The following MARCHF10 variants were observed in gnomAD, a reference collection of about 807,000 sequenced individuals.
The protein encoded by MARCHF10 is probable E3 ubiquitin-protein ligase MARCHF10.
In MARCHF10, 64 loss-of-function variants were observed where a neutral mutation model predicts 76.2. That is an observed-to-expected ratio of 0.84 (90% CI 0.69 to 1.03). MARCHF10 has a LOEUF of 1.03. Ranked by LOEUF, MARCHF10 falls within the 50% of genes least tolerant of loss-of-function variation. The pLI is 0.00. For synonymous variants in MARCHF10, 340 were observed against 357.5 expected (o/e 0.95, Z 0.55); for missense variants, 875 against 958.0 (o/e 0.91, Z 1.14).
chr17:62,783,588 C>T (rs2092699286), intron 3 of MARCHF10, among the ~76,000 whole-genome samples: 1 of 152,030 alleles, frequency 6.6e-6, no homozygotes, highest in African/African-American at 2.4e-5. Context: ...AATCCTGGAG[C>T]TGTTTTTTTG....
chr17:62,793,204 A>G, intron 2 of MARCHF10, among the ~76,000 whole-genome samples: 1 of 126,624 alleles, frequency 7.9e-6, no homozygotes, highest in African/African-American at 3.0e-5. Flanking sequence ...CATCACCACC[A>G]CCACCACCAC....
intron 2 of MARCHF10, among the ~76,000 whole-genome samples, chr17:62,789,245 C>T (rs1279005553): frequency 6.6e-6 from 1 of 152,190 alleles, no homozygotes; most frequent in Non-Finnish European, 1.5e-5. Flanking sequence ...TCATTCTCTT[C>T]ATGGCCCCTC....
chr17:62,718,072 C>A (rs2090308293), intron 8 of MARCHF10, among the ~76,000 whole-genome samples: 1 of 152,174 alleles, frequency 6.6e-6, no homozygotes, highest in African/African-American at 2.4e-5. Flanking sequence ...TCTGACAGTT[C>A]TCATGCGTGG....
intron 2 of MARCHF10, among the ~76,000 whole-genome samples, chr17:62,793,212 C>T (rs1205065023): frequency 6.9e-6 from 1 of 144,572 alleles, no homozygotes; most frequent in East Asian, 2.1e-4. Context: ...CCACCACCAC[C>T]ACCACCTCCA....
chr17:62,748,136 G>A (rs543322378), intron 4 of MARCHF10, among the ~76,000 whole-genome samples: 110 of 152,258 alleles, frequency 7.2e-4, no homozygotes, highest in Admixed American at 1.4e-3. Context: ...GGTGGCTCAC[G>A]CCTGTAATCC....
At chr17:62,763,070 G>T (rs932265574) in intron 3 of MARCHF10, among the ~76,000 whole-genome samples, 1 of 152,164 alleles carries the variant, frequency 6.6e-6, no homozygotes, top group African/African-American at 2.4e-5. Context: ...CTACCTTTTG[G>T]TGGTTTTGTG....
At chr17:62,799,756 A>T (rs2093042562) in intron 2 of MARCHF10, among the ~76,000 whole-genome samples, 1 of 152,036 alleles carries the variant, frequency 6.6e-6, no homozygotes, top group Non-Finnish European at 1.5e-5. Flanking sequence ...CAAAAAAAAA[A>T]AAAAAAGAAT....
chr17:62,749,722 T>C (rs933132936), intron 4 of MARCHF10, among the ~76,000 whole-genome samples: 4 of 152,324 alleles, frequency 2.6e-5, no homozygotes, highest in East Asian at 3.9e-4. Flanking sequence ...GCCTAATAAG[T>C]AGGCAGGAAA....
At chr17:62,702,272 G>A (rs2089288010) in intron 10 of MARCHF10, among the ~76,000 whole-genome samples, 1 of 151,862 alleles carries the variant, frequency 6.6e-6, no homozygotes, top group African/African-American at 2.4e-5. Flanking sequence ...GTGGGGGTGG[G>A]TGGTCTCCTT....
chr17:62,718,109 T>A (rs1379609609), intron 8 of MARCHF10, among the ~76,000 whole-genome samples: 1 of 152,178 alleles, frequency 6.6e-6, no homozygotes, highest in Non-Finnish European at 1.5e-5. Context: ...ACTCTGTCTA[T>A]GAGGTGATGT....
intron 5 of MARCHF10, among the ~76,000 whole-genome samples, chr17:62,742,428 C>T (rs2147850974): frequency 2.0e-5 from 3 of 152,328 alleles, no homozygotes; most frequent in East Asian, 3.9e-4. Context: ...TGATACAATT[C>T]AAATACCTGG....
chr17:62,778,038 A>T (rs2092585935), intron 3 of MARCHF10, among the ~76,000 whole-genome samples: 1 of 152,190 alleles, frequency 6.6e-6, no homozygotes, highest in African/African-American at 2.4e-5. Flanking sequence ...ATATAACCAC[A>T]AACAGTGCCT....
In MARCHF10 at chr17:62,736,446, T is replaced by G. The variant is rs1172466823; in HGVS notation, c.1422A>C (p.Ala474=). Residue 474 remains alanine (A), a synonymous_variant, in exon 6 of 11, where the codon GCA becomes GCC. Transcript: ENST00000311269. ...CTCTCAGAGCAGAATGCATGAATGA[T>G]GCAGGAGGGTTATAGGATGAATTCA... is the stretch of plus-strand genomic sequence containing the variant. ...SSVNSSYNPP[A]SFMHSALRDD... The G allele has an allele frequency of 6.2e-7, 1 of 1,614,218 alleles. No homozygotes were observed. Among genetic ancestry groups the G allele is most frequent in the Non-Finnish European group, 8.5e-7 (1 of 1,180,028 alleles).
At chr17:62,743,679 G>A (rs1448449322) in intron 5 of MARCHF10, among the ~76,000 whole-genome samples, 8 of 152,102 alleles carry the variant, frequency 5.3e-5, no homozygotes, top group Non-Finnish European at 2.9e-5. Flanking sequence ...AAAGGCAACT[G>A]TGTTCATTGG....
At chr17:62,753,706 T>C (rs574103680) in intron 4 of MARCHF10, among the ~76,000 whole-genome samples, 5 of 152,308 alleles carry the variant, frequency 3.3e-5, no homozygotes, top group South Asian at 2.1e-4. Flanking sequence ...GTTAAACCCC[T>C]GTCCTTCAGG....
chr17:62,710,771 G>A (rs772109270), intron 9 of MARCHF10, among the ~76,000 whole-genome samples: 4 of 151,974 alleles, frequency 2.6e-5, no homozygotes, highest in Non-Finnish European at 2.9e-5. Context: ...ATGTTGGCCA[G>A]GTTGGCCTCA....
intron 2 of MARCHF10, 73 bp from the exon 3 acceptor site, chr17:62,788,672 A>G (rs902177782): frequency 1.4e-5 from 23 of 1,589,060 alleles, no homozygotes; most frequent in Middle Eastern, 3.3e-4. Flanking sequence ...CTTAACTCCA[A>G]TGGTGAGGAG....
At position 62,701,520 on chromosome 17, in the gene MARCHF10, C is replaced by T. The variant is rs1240592510; in HGVS notation, c.*183G>A. ...CTGTGCTGTCTGGGACTAGACTGGT[C>T]GCTGTGGCTGCCCATAGATGCTCAA... On this transcript the variant is annotated 3_prime_UTR_variant, in exon 11 of 11. Coordinates refer to ENST00000311269, the MANE Select transcript of MARCHF10 (RefSeq NM_152598.4). 27 of 1,372,068 alleles carry T rather than the reference C, an allele frequency of 2.0e-5. No individual in the cohort carries two copies. Among genetic ancestry groups the T allele is most frequent in the Non-Finnish European group, 2.5e-5 (25 of 1,018,612 alleles). The allele number at this position is 1,372,068 out of a possible 1,614,324, so 85.0% of individuals were successfully genotyped here. A position where few individuals can be genotyped will look rare whatever the true frequency, so the allele number is the denominator to read the frequency against.
Position 62,717,722 on chromosome 17 carries a change from C to T in MARCHF10, c.2214+4766G>A, listed in dbSNP as rs572222410. Among the ~76,000 whole-genome samples, 6 of 152,348 alleles carry T rather than the reference C, an allele frequency of 3.9e-5. No homozygotes were observed. The South Asian group carries it at 1.2e-3, about 32-fold the overall frequency. On this transcript the variant is annotated intron_variant, in intron 8 of 10. Transcript: ENST00000311269. Reference sequence around the variant, plus strand: ...TTAGCTACAGCGCTCATGACCCTGGCCACACTGCTAGTCCCAGGACGCCTC... The same window carrying T: ...TTAGCTACAGCGCTCATGACCCTGGTCACACTGCTAGTCCCAGGACGCCTC...
Sources: gnomAD v4.1 joint callset for allele counts (sites outside exome capture counted in the v4.1 genomes callset) on GRCh38, gnomAD v4.1.1 for gene constraint, MANE v1.5 for transcripts, NCBI Gene and HGNC (gene_info 2026-07-23, HGNC 2026-07-21) for gene names.